The following KCNQ5 variants were observed in gnomAD, a reference collection of about 807,000 sequenced individuals.
The protein encoded by KCNQ5 is potassium voltage-gated channel subfamily KQT member 5.
Under a neutral mutation model 98.2 loss-of-function variants are expected in KCNQ5, and 30 were observed. The observed-to-expected ratio is 0.31, with a 90% CI of 0.23 to 0.41. The LOEUF is 0.41. Ranked by LOEUF, KCNQ5 falls within the 10% of genes least tolerant of loss-of-function variation. KCNQ5 has a pLI of 1.00. For synonymous variants in KCNQ5, 458 were observed against 449.4 expected (o/e 1.02, Z -0.24); for missense variants, 835 against 1,182.5 (o/e 0.71, Z 4.31).
chr6:72,838,190 C>G (rs2150130183), intron 1 of KCNQ5, among the ~76,000 whole-genome samples: 1 of 147,368 alleles, frequency 6.8e-6, no homozygotes, highest in South Asian at 2.2e-4. Context: ...GTCACCAACT[C>G]TCTAAATAGG....
chr6:73,184,126 ATGT>A (rs1778491501), intron 11 of KCNQ5, among the ~76,000 whole-genome samples: 1 of 152,056 alleles, frequency 6.6e-6, no homozygotes, highest in Admixed American at 6.6e-5. Flanking sequence ...GCTGCTTATC[ATGT>A]TGTAGTATTA....
chr6:72,844,144 C>T (rs1478439363), intron 1 of KCNQ5, among the ~76,000 whole-genome samples: 1 of 152,050 alleles, frequency 6.6e-6, no homozygotes, highest in African/African-American at 2.4e-5. Context: ...CACATATATC[C>T]CAGAACTTAA....
At chr6:72,924,091 T>G (rs551923328) in intron 1 of KCNQ5, among the ~76,000 whole-genome samples, 2 of 152,346 alleles carry the variant, frequency 1.3e-5, no homozygotes, top group African/African-American at 4.8e-5. Context: ...TATAGTATTG[T>G]TCATTTTGAT....
At chr6:73,046,222 A>T (rs1401418616) in intron 3 of KCNQ5, among the ~76,000 whole-genome samples, 1 of 152,152 alleles carries the variant, frequency 6.6e-6, no homozygotes, top group Non-Finnish European at 1.5e-5. Context: ...TTTTGTTCTA[A>T]GAGACTTACT....
At chr6:72,834,022 G>T (rs375546403) in intron 1 of KCNQ5, among the ~76,000 whole-genome samples, 1 of 152,208 alleles carries the variant, frequency 6.6e-6, no homozygotes, top group South Asian at 2.1e-4. Context: ...GATAGCAATT[G>T]TATCTGGTAA....
intron 10 of KCNQ5, among the ~76,000 whole-genome samples, chr6:73,153,967 A>G (rs888378750): frequency 2.8e-5 from 4 of 144,116 alleles, no homozygotes; most frequent in African/African-American, 7.9e-5. Flanking sequence ...GGAAAATGCA[A>G]TTACCTGTTC....
At chr6:73,165,633 C>T (rs1407173303) in intron 10 of KCNQ5, among the ~76,000 whole-genome samples, 1 of 152,110 alleles carries the variant, frequency 6.6e-6, no homozygotes, top group Non-Finnish European at 1.5e-5. Context: ...AGATGGGAAC[C>T]CAGATACCAA....
intron 10 of KCNQ5, among the ~76,000 whole-genome samples, chr6:73,162,666 T>A (rs547741567): frequency 3.5e-4 from 53 of 152,340 alleles, no homozygotes; most frequent in African/African-American, 1.2e-3. Context: ...ACATTTAATG[T>A]GTTACTAACT....
chr6:72,979,720 T>G (rs976117489), intron 1 of KCNQ5, among the ~76,000 whole-genome samples: 1 of 152,212 alleles, frequency 6.6e-6, no homozygotes, highest in Non-Finnish European at 1.5e-5. Context: ...TTGCCATTGC[T>G]TTTGATGTTT....
chr6:72,987,302 G>C lies in KCNQ5; in HGVS notation c.399-16606G>C, dbSNP rs1382298659. ...CGGACTTAGAGGTGGTGTTGGAAAA[G>C]AAAGGCAACATGGACGAGGCGCACA... is the stretch of plus-strand genomic sequence containing the variant. On this transcript the variant is annotated intron_variant, in intron 1 of 13. Transcript: ENST00000370398. 21 of 699,412 alleles carry C rather than the reference G, an allele frequency of 3.0e-5. 1 individual carries two copies. Among genetic ancestry groups the C allele is most frequent in the South Asian group, 2.7e-4 (20 of 73,864 alleles). The allele number at this position is 699,412 out of a possible 1,614,324, so 43.3% of individuals were successfully genotyped here. A position where few individuals can be genotyped will look rare whatever the true frequency, so the allele number is the denominator to read the frequency against.
At chr6:73,108,257 T>C (rs1429330056) in intron 6 of KCNQ5, among the ~76,000 whole-genome samples, 1 of 152,182 alleles carries the variant, frequency 6.6e-6, no homozygotes, top group Non-Finnish European at 1.5e-5. Context: ...CCAGCTCCCC[T>C]GTGTTACCCT....
At chr6:72,716,969 GA>G (rs1258067453) in intron 1 of KCNQ5, among the ~76,000 whole-genome samples, 1 of 152,176 alleles carries the variant, frequency 6.6e-6, no homozygotes, top group Non-Finnish European at 1.5e-5. Context: ...CAGGGATGGG[GA>G]AAACAGAGCT....
intron 1 of KCNQ5, among the ~76,000 whole-genome samples, chr6:72,736,541 C>G (rs1378919008): frequency 1.4e-5 from 2 of 139,306 alleles, no homozygotes; most frequent in Non-Finnish European, 3.0e-5. Flanking sequence ...GCTCTGTCGC[C>G]CAGGCTGGAG....
intron 1 of KCNQ5, among the ~76,000 whole-genome samples, chr6:72,896,716 A>T (rs1421578443): frequency 6.6e-6 from 1 of 152,178 alleles, no homozygotes; most frequent in Non-Finnish European, 1.5e-5. Context: ...GGTTTAGAGT[A>T]TGCAGAATTC....
rs116699203 is a variant in KCNQ5, at chr6:72,649,316, C to T, written c.398+26729C>T. Among the ~76,000 whole-genome samples, 1,440 of 152,246 alleles carry T rather than the reference C, an allele frequency of 9.5e-3. 17 individuals are homozygous for T. The highest frequency in any genetic ancestry group is 0.031 in the African/African-American group (1,285 of 41,550). On this transcript the variant is annotated intron_variant, in intron 1 of 13. Coordinates refer to ENST00000370398, the MANE Select transcript of KCNQ5 (RefSeq NM_019842.4). ...TTAAACAGACATGCACGTGTATGTG[C>T]ACATATGCATGATTACATAAATTTC...
intron 1 of KCNQ5, among the ~76,000 whole-genome samples, chr6:72,852,882 A>G (rs1054811957): frequency 6.6e-6 from 1 of 151,794 alleles, no homozygotes; most frequent in Non-Finnish European, 1.5e-5. Context: ...ATTATATATT[A>G]TCTCTACATG....
chr6:73,164,210 C>G (rs1034750377), intron 10 of KCNQ5, among the ~76,000 whole-genome samples: 1 of 151,926 alleles, frequency 6.6e-6, no homozygotes, highest in African/African-American at 2.4e-5. Flanking sequence ...AAGAACCTAC[C>G]GAAGACATTA....
intron 5 of KCNQ5, among the ~76,000 whole-genome samples, chr6:73,095,112 C>T (rs932203798): frequency 3.3e-5 from 5 of 152,058 alleles, no homozygotes; most frequent in South Asian, 2.1e-4. Flanking sequence ...AGGCTGTGTT[C>T]GTATTTTCTT....
intron 2 of KCNQ5, among the ~76,000 whole-genome samples, chr6:73,009,485 A>G (rs572374702): frequency 6.6e-6 from 1 of 152,306 alleles, no homozygotes; most frequent in African/African-American, 2.4e-5. Context: ...TTAAGGAGCT[A>G]AAAAAGAATA....
Sources: gnomAD v4.1 joint callset for allele counts (sites outside exome capture counted in the v4.1 genomes callset) on GRCh38, gnomAD v4.1.1 for gene constraint, MANE v1.5 for transcripts, NCBI Gene and HGNC (gene_info 2026-07-23, HGNC 2026-07-21) for gene names.